The following B3GALT1 variants were observed in gnomAD, a reference collection of about 807,000 sequenced individuals.
B3GALT1 encodes UDP-Gal:betaGlcNAc beta 1,3-galactosyltransferase, polypeptide 1.
A neutral mutation model predicts 23.2 loss-of-function variants in B3GALT1; 10 were observed. The observed-to-expected ratio is 0.43, with a 90% CI of 0.27 to 0.73. The LOEUF is 0.73. B3GALT1 is among the 30% of genes least tolerant of loss of function. The pLI is 0.21. For missense variants in B3GALT1, 299 were observed against 405.4 expected (o/e 0.74, Z 2.25); for synonymous variants, 156 against 141.5 (o/e 1.10, Z -0.73).
At chr2:167,542,965 T>C (rs1683558237) in intron 2 of B3GALT1, among the ~76,000 whole-genome samples, 1 of 152,050 alleles carries the variant, frequency 6.6e-6, no homozygotes, top group South Asian at 2.1e-4. Flanking sequence ...GGTGTGAAAA[T>C]GTAGATGTAA....
chr2:167,839,368 T>G (rs1187788678), intron 4 of B3GALT1, among the ~76,000 whole-genome samples: 1 of 152,194 alleles, frequency 6.6e-6, no homozygotes, highest in Non-Finnish European at 1.5e-5. Context: ...ATCACAAGCA[T>G]TCTTATACAC....
intron 3 of B3GALT1, among the ~76,000 whole-genome samples, chr2:167,671,716 A>G (rs1313344750): frequency 6.6e-6 from 1 of 152,096 alleles, no homozygotes; most frequent in East Asian, 1.9e-4. Flanking sequence ...AACAACTTTA[A>G]AGCTCAAAGA....
chr2:167,739,658 C>T (rs1039363766), intron 3 of B3GALT1, among the ~76,000 whole-genome samples: 7 of 152,002 alleles, frequency 4.6e-5, no homozygotes, highest in Non-Finnish European at 1.0e-4. Context: ...TATTGTTTAT[C>T]AGCTTTCATA....
At chr2:167,435,080 A>AT (rs1312972663) in intron 1 of B3GALT1, among the ~76,000 whole-genome samples, 3 of 148,740 alleles carry the variant, frequency 2.0e-5, no homozygotes, top group Admixed American at 2.0e-4. Context: ...TATTAAACTG[A>AT]TTTTTTCATA....
intron 3 of B3GALT1, among the ~76,000 whole-genome samples, chr2:167,736,570 G>C (rs1687495297): frequency 6.6e-6 from 1 of 152,100 alleles, no homozygotes; most frequent in East Asian, 1.9e-4. Context: ...CAAAAATTCA[G>C]CTAGAATAGA....
chr2:167,379,674 T>C (rs1165805338), intron 1 of B3GALT1, among the ~76,000 whole-genome samples: 1 of 152,182 alleles, frequency 6.6e-6, no homozygotes, highest in Admixed American at 6.5e-5. Flanking sequence ...GACAATGGGC[T>C]TAGTGGAATG....
intron 3 of B3GALT1, among the ~76,000 whole-genome samples, chr2:167,812,217 T>C (rs953314306): frequency 6.6e-6 from 1 of 152,230 alleles, no homozygotes; most frequent in Admixed American, 6.5e-5. Flanking sequence ...TCCTATAACA[T>C]TGTTTGCAAG....
chr2:167,449,993 G>A (rs1360858352), intron 1 of B3GALT1, among the ~76,000 whole-genome samples: 1 of 152,040 alleles, frequency 6.6e-6, no homozygotes, highest in Admixed American at 6.5e-5. Flanking sequence ...ATTCAGTTAG[G>A]TAGTATTTTG....
intron 2 of B3GALT1, among the ~76,000 whole-genome samples, chr2:167,643,446 G>C (rs541362120): frequency 1.1e-3 from 167 of 152,116 alleles, no homozygotes; most frequent in African/African-American, 3.9e-3. Context: ...ATGCCACCTT[G>C]TCATGTTAAG....
rs375862439 is a variant in B3GALT1 at position 167,755,950 on chromosome 2, G to A, written c.-351-62722G>A. 2.2e-3 allele frequency among the ~76,000 whole-genome samples: 328 copies of A among 152,152 alleles called. 19 individuals carry two copies. The South Asian group carries it at 0.066, about 31-fold the overall frequency. ...TGATGGAGCCACTGCACTCCAGCCT[G>A]GGCAACAGAGTGAGACCTCGTCTCT... On this transcript the variant is annotated intron_variant, in intron 3 of 4. Transcript: ENST00000392690.
intron 2 of B3GALT1, among the ~76,000 whole-genome samples, chr2:167,497,789 A>G (rs1021730520): frequency 6.6e-6 from 1 of 152,116 alleles, no homozygotes; most frequent in Non-Finnish European, 1.5e-5. Context: ...TACAGAGGCC[A>G]TTGATGACCT....
intron 4 of B3GALT1, among the ~76,000 whole-genome samples, chr2:167,850,843 A>C (rs2105415779): frequency 6.6e-6 from 1 of 152,252 alleles, no homozygotes; most frequent in African/African-American, 2.4e-5. Flanking sequence ...CCGAGGGATA[A>C]AAGACTACAA....
intron 2 of B3GALT1, among the ~76,000 whole-genome samples, chr2:167,543,989 T>C (rs1683580799): frequency 6.6e-6 from 1 of 152,220 alleles, no homozygotes; most frequent in Admixed American, 6.5e-5. Context: ...GCATGTTGGC[T>C]TATAGCCTTA....
At chr2:167,672,507 A>G (rs1211801218) in intron 3 of B3GALT1, among the ~76,000 whole-genome samples, 1 of 152,120 alleles carries the variant, frequency 6.6e-6, no homozygotes, top group African/African-American at 2.4e-5. Flanking sequence ...GGAAATAACA[A>G]TTGCACTGAT....
At chr2:167,484,136 C>T (rs906104754) in intron 1 of B3GALT1, among the ~76,000 whole-genome samples, 3 of 152,208 alleles carry the variant, frequency 2.0e-5, no homozygotes, top group African/African-American at 2.4e-5. Flanking sequence ...ACTAATCTCA[C>T]ATCTTTATAT....
At chr2:167,733,145 C>T (rs1305660588) in intron 3 of B3GALT1, among the ~76,000 whole-genome samples, 2 of 148,824 alleles carry the variant, frequency 1.3e-5, no homozygotes, top group Non-Finnish European at 3.0e-5. Context: ...ATCTGATCTT[C>T]TTACTAGCAG....
At chr2:167,796,646 G>T (rs1688551153) in intron 3 of B3GALT1, among the ~76,000 whole-genome samples, 1 of 151,540 alleles carries the variant, frequency 6.6e-6, no homozygotes, top group African/African-American at 2.4e-5. Flanking sequence ...CTATTCGGGA[G>T]GCTGAGAGGC....
At chr2:167,495,785 G>A (rs1199486887) in intron 2 of B3GALT1, among the ~76,000 whole-genome samples, 1 of 152,168 alleles carries the variant, frequency 6.6e-6, no homozygotes, top group Non-Finnish European at 1.5e-5. Flanking sequence ...TTTGGGATGG[G>A]AAGGCCTATG....
At chr2:167,492,488 T>C (rs1248761034) in intron 2 of B3GALT1, among the ~76,000 whole-genome samples, 1 of 152,184 alleles carries the variant, frequency 6.6e-6, no homozygotes, top group Non-Finnish European at 1.5e-5. Context: ...CATTTAGGTA[T>C]ATACAAAGGA....
Sources: allele counts gnomAD v4.1 joint callset (sites outside exome capture counted in the v4.1 genomes callset), GRCh38; gene constraint gnomAD v4.1.1; transcripts MANE v1.5; gene names NCBI Gene and HGNC (gene_info 2026-07-23, HGNC 2026-07-21).